Variants in ADAMTS7 observed in about 807,000 individuals in gnomAD.
The protein encoded by ADAMTS7 is A disintegrin and metalloproteinase with thrombospondin motifs 7.
In ADAMTS7, 89 loss-of-function variants were observed where a neutral mutation model predicts 172.6. The ratio of observed to expected loss-of-function variants is 0.52; its 90% CI spans 0.43 to 0.61. The LOEUF (loss-of-function observed/expected upper bound fraction) is 0.61. Ranked by LOEUF, ADAMTS7 falls within the 20% of genes least tolerant of loss-of-function variation. The pLI, the probability that ADAMTS7 is intolerant of heterozygous loss-of-function variation, is 0.00. For synonymous variants in ADAMTS7, 885 were observed against 978.4 expected, an observed-to-expected ratio of 0.90 and a Z score of 1.78; for missense variants, 1,973 against 2,355.6, an observed-to-expected ratio of 0.84 and a Z score of 3.36.
At chr15:78,805,000 T>C (rs925538946) in intron 1 of ADAMTS7, among the ~76,000 whole-genome samples, 1 of 152,216 alleles carries the variant, frequency 6.6e-6, no homozygotes, top group Non-Finnish European at 1.5e-5. Context: ...TCATCAGCAG[T>C]ACCTGGAGAG....
intron 8 of ADAMTS7, among the ~76,000 whole-genome samples, chr15:78,781,349 C>A (rs2055425612): frequency 1.3e-5 from 2 of 152,210 alleles, no homozygotes; most frequent in Admixed American, 6.5e-5. Context: ...TTCCTTCCAC[C>A]TCCTGGGCCT....
intron 8 of ADAMTS7, among the ~76,000 whole-genome samples, chr15:78,786,001 C>A (rs1438718056): frequency 6.7e-6 from 1 of 150,212 alleles, no homozygotes; most frequent in African/African-American, 2.4e-5. Context: ...GCGATCTTGG[C>A]TCACTGCAAC....
intron 8 of ADAMTS7, among the ~76,000 whole-genome samples, chr15:78,779,730 AG>A (rs1252624118): frequency 6.6e-6 from 1 of 152,094 alleles, no homozygotes; most frequent in Non-Finnish European, 1.5e-5. Context: ...CATCCCAGCC[AG>A]GGGGTCCTCT....
intron 16 of ADAMTS7, among the ~76,000 whole-genome samples, chr15:78,770,111 C>G (rs1270146931): frequency 6.6e-6 from 1 of 151,712 alleles, no homozygotes; most frequent in Non-Finnish European, 1.5e-5. Context: ...TGCAGTGAGC[C>G]GAGATTGTGC....
At chr15:78,796,850 G>T in intron 3 of ADAMTS7, 64 bp from the exon 4 acceptor site, 1 of 1,445,942 alleles carries the variant, frequency 6.9e-7, no homozygotes, top group South Asian at 1.3e-5. Flanking sequence ...CGTCTCCAGG[G>T]CCTCTCCTCA....
At chr15:78,805,828 C>T (rs563287534) in intron 1 of ADAMTS7, among the ~76,000 whole-genome samples, 2 of 152,126 alleles carry the variant, frequency 1.3e-5, no homozygotes, top group African/African-American at 2.4e-5. Context: ...CACCTGTAAT[C>T]GCAGCATTTT....
intron 4 of ADAMTS7, among the ~76,000 whole-genome samples, chr15:78,793,433 A>G (rs1044525856): frequency 3.3e-5 from 5 of 150,894 alleles, no homozygotes; most frequent in Non-Finnish European, 5.9e-5. Flanking sequence ...GGCTCACTGC[A>G]GCCGCTGCAG....
intron 5 of ADAMTS7, 141 bp from the exon 6 acceptor site, chr15:78,790,935 G>C (rs1251541440): frequency 7.2e-7 from 1 of 1,380,498 alleles, no homozygotes; most frequent in Non-Finnish European, 1.0e-6. Context: ...CTTCCAGCCT[G>C]ACCATCCCTC....
intron 7 of ADAMTS7, 87 bp downstream of exon 7, chr15:78,789,602 T>C: frequency 6.5e-7 from 1 of 1,538,372 alleles, no homozygotes; most frequent in Non-Finnish European, 8.9e-7. Context: ...CCCTGGACTT[T>C]GTGACCCACA....
rs531108139 is a variant in ADAMTS7 at position 78,807,646 on chromosome 15, T to C, written c.100+3475A>G. ...AAATGGGGATGATAATAATTACAGC[T>C]GCTCTCTTTGGTTGTGTAAGAATTA... On this transcript the variant is annotated intron_variant, in intron 1 of 23. Transcript: ENST00000388820. 6.6e-5 allele frequency among the ~76,000 whole-genome samples: 10 copies of C among 152,320 alleles called. No individual in the cohort carries two copies. In the South Asian group the frequency reaches 1.0e-3, roughly 16 times the overall value.
At chr15:78,799,862 G>C in intron 2 of ADAMTS7, among the ~76,000 whole-genome samples, 1 of 150,256 alleles carries the variant, frequency 6.7e-6, no homozygotes, top group East Asian at 1.9e-4. Context: ...AGAGTGCCTG[G>C]GGTCTCGCTG....
At chr15:78,790,631 C>T (rs1442217350) in intron 6 of ADAMTS7, 39 bp downstream of exon 6, 1 of 1,609,556 alleles carries the variant, frequency 6.2e-7, no homozygotes, top group Non-Finnish European at 8.5e-7. Context: ...GGAAGCACCT[C>T]CTGAGATGCA....
chr15:78,786,191 A>G (rs1404502670), intron 8 of ADAMTS7, among the ~76,000 whole-genome samples: 3 of 151,930 alleles, frequency 2.0e-5, no homozygotes, highest in Non-Finnish European at 2.9e-5. Flanking sequence ...CAGCCTCCCA[A>G]AGTGCTGGGA....
At chr15:78,761,762 G>A (rs1055143853) in intron 23 of ADAMTS7, among the ~76,000 whole-genome samples, 11 of 152,058 alleles carry the variant, frequency 7.2e-5, no homozygotes, top group Admixed American at 2.0e-4. Flanking sequence ...GTGTGTGTGC[G>A]CGCACGCACA....
chr15:78,761,785 G>A (rs964449175), intron 23 of ADAMTS7: 7 of 948,516 alleles, frequency 7.4e-6, no homozygotes, highest in Non-Finnish European at 8.8e-6. Flanking sequence ...TGCTGGAGGC[G>A]GCGGCAGGGG....
At chr15:78,789,632 C>G in intron 7 of ADAMTS7, 57 bp downstream of exon 7, 1 of 1,600,080 alleles carries the variant, frequency 6.2e-7, no homozygotes, top group Non-Finnish European at 8.5e-7. Flanking sequence ...CCCGGTGCCC[C>G]CAGGCTGCGA....
intron 20 of ADAMTS7, among the ~76,000 whole-genome samples, 175 bp downstream of exon 20, chr15:78,764,380 A>G (rs898190667): frequency 3.5e-4 from 54 of 152,356 alleles, no homozygotes; most frequent in African/African-American, 1.3e-3. Flanking sequence ...GAGACAGGCC[A>G]AGCCAGACAA....
chr15:78,764,607 C>T lies in ADAMTS7; in HGVS notation c.4367G>A (p.Arg1456His), dbSNP rs1182435379. ...CAPAGRPQPA[R>H]RCHLRPCATW... is the part of the protein sequence containing the mutation. ...GGCACAGGGCCGCAGGTGGCAGCGG[C>T]GGGCAGGCTGGGGCCGGCCAGCGGG... is the stretch of plus-strand genomic sequence containing the variant. Residue 1456 changes from arginine (R) to histidine (H), a missense_variant, in exon 20 of 24, where the codon CGC (arginine) becomes CAC (histidine). By Grantham distance (29) the Arg-to-His change is conservative. Transcript: ENST00000388820. The T allele has an allele frequency of 3.2e-6, 5 of 1,558,096 alleles. No homozygotes were observed. The highest frequency in any genetic ancestry group is 2.3e-5 in the East Asian group (1 of 42,784).
chr15:78,796,539 C>A, intron 4 of ADAMTS7, 51 bp downstream of exon 4: 3 of 1,566,018 alleles, frequency 1.9e-6, no homozygotes, highest in South Asian at 2.4e-5. Context: ...TCTTTGCACC[C>A]CACCCCCCAA....
Sources: allele counts gnomAD v4.1 joint callset (sites outside exome capture counted in the v4.1 genomes callset), GRCh38; gene constraint gnomAD v4.1.1; transcripts MANE v1.5; gene names NCBI Gene and HGNC (gene_info 2026-07-23, HGNC 2026-07-21).